Variants in GGPS1 observed in about 807,000 individuals in gnomAD.
GGPS1 encodes geranylgeranyl diphosphate synthase 1.
A neutral mutation model predicts 28.1 loss-of-function variants in GGPS1; 15 were observed. The observed-to-expected ratio is 0.53, with a 90% CI of 0.36 to 0.82. The LOEUF (loss-of-function observed/expected upper bound fraction) is 0.82. GGPS1 is among the 40% of genes least tolerant of loss of function. GGPS1 has a pLI of 0.01. For synonymous variants in GGPS1, 138 were observed against 122.4 expected (o/e 1.13, Z -0.84); for missense variants, 284 against 348.3 (o/e 0.82, Z 1.47).
chr1:235,340,805 AAAT>A (rs1292547954), intron 2 of GGPS1, among the ~76,000 whole-genome samples: 1 of 151,874 alleles, frequency 6.6e-6, no homozygotes, highest in Non-Finnish European at 1.5e-5. Context: ...TCCCTAGTCA[AAAT>A]AATGAGATTA....
chr1:235,333,088 AAAAG>A (rs1234896182), intron 1 of GGPS1, among the ~76,000 whole-genome samples: 22 of 150,936 alleles, frequency 1.5e-4, no homozygotes, highest in Non-Finnish European at 5.9e-5. Flanking sequence ...AAAAAAAAAA[AAAAG>A]GAACACATCC....
At chr1:235,334,266 G>C (rs1250656218) in intron 1 of GGPS1, among the ~76,000 whole-genome samples, 2 of 152,182 alleles carry the variant, frequency 1.3e-5, no homozygotes, top group Non-Finnish European at 2.9e-5. Flanking sequence ...AGTGTAATCA[G>C]TTAAATACAG....
chr1:235,331,265 T>G (rs1340570365), intron 1 of GGPS1, among the ~76,000 whole-genome samples: 1 of 152,234 alleles, frequency 6.6e-6, no homozygotes, highest in African/African-American at 2.4e-5. Flanking sequence ...AAATGATTTC[T>G]TTTGGTGGAG....
chr1:235,339,770 A>AT (rs1212208830), intron 2 of GGPS1, among the ~76,000 whole-genome samples: 1 of 152,002 alleles, frequency 6.6e-6, no homozygotes, highest in African/African-American at 2.4e-5. Context: ...CCAAAAAAAA[A>AT]AAAAGAAAAC....
Position 235,333,586 on chromosome 1 carries a change from GA to G in GGPS1, c.-23-1655del, listed in dbSNP as rs1373042011. On this transcript the variant is annotated intron_variant, in intron 1 of 3. Transcript: ENST00000282841. ...CCGTCTCAAAAAAAAAAAACAAAAGGACCTTTGAGCAATCAGAATAACACAA... is the reference window on the plus strand; with the variant it reads ...CCGTCTCAAAAAAAAAAAACAAAAGGCCTTTGAGCAATCAGAATAACACAA... Among the ~76,000 whole-genome samples the G allele has an allele frequency of 2.0e-5, 3 of 150,590 alleles. No individual in the cohort carries two copies. In the South Asian group the frequency reaches 6.3e-4, roughly 32 times the overall value.
chr1:235,338,234 T>C (rs1472200950), intron 2 of GGPS1, among the ~76,000 whole-genome samples: 1 of 150,902 alleles, frequency 6.6e-6, no homozygotes, highest in East Asian at 2.0e-4. Context: ...TACAAAAAAT[T>C]AGCCAGGCAT....
rs532882067 is a variant in GGPS1 at position 235,342,813 on chromosome 1, T to C, written c.*41T>C. 1.4e-6 allele frequency: 2 copies of C among 1,390,818 alleles called. No individual in the cohort carries two copies. Among genetic ancestry groups the C allele is most frequent in the East Asian group, 2.3e-5 (1 of 43,420 alleles). 86.2% of individuals were successfully genotyped at this position (1,390,818 alleles called of 1,614,324 possible). ...GATTGGACCTCATAGCTTATTTTAG[T>C]TAATCTTTTTTTTGTCTTTTAGCCT... On this transcript the variant is annotated 3_prime_UTR_variant, in exon 4 of 4. Transcript: ENST00000282841.
chr1:235,342,926 C>A lies in GGPS1; in HGVS notation c.*154C>A. 1.9e-6 allele frequency: 1 copy of A among 524,380 alleles called. No individual in the cohort carries two copies. The highest frequency in any genetic ancestry group is 3.1e-5 in the East Asian group (1 of 32,306). The allele number at this position is 524,380 out of a possible 1,614,324, so 32.5% of individuals were successfully genotyped here. A position where few individuals can be genotyped will look rare whatever the true frequency, so the allele number is the denominator to read the frequency against. On this transcript the variant is annotated 3_prime_UTR_variant, in exon 4 of 4. Coordinates refer to ENST00000282841, the MANE Select transcript of GGPS1 (RefSeq NM_004837.4). ...AAGTGAATTCGTTTTCATTTAGAAG[C>A]CCCTCTGTACAGATAATCAAAATTC...
chr1:235,329,772 T>C (rs1352862995), intron 1 of GGPS1: 2 of 152,232 alleles, frequency 1.3e-5, no homozygotes, highest in Non-Finnish European at 2.9e-5. Context: ...ATGGCTCCGA[T>C]TGGAATGTCA....
At chr1:235,332,248 C>T (rs563010120) in intron 1 of GGPS1, among the ~76,000 whole-genome samples, 1 of 152,320 alleles carries the variant, frequency 6.6e-6, no homozygotes, top group Non-Finnish European at 1.5e-5. Context: ...TTGGAATCTC[C>T]ATTGTCTATC....
intron 2 of GGPS1, among the ~76,000 whole-genome samples, chr1:235,336,633 A>G (rs923198734): frequency 3.3e-5 from 5 of 151,348 alleles, no homozygotes; most frequent in African/African-American, 1.2e-4. Context: ...TCTGTTTTAA[A>G]CATTTTTTAA....
At chr1:235,341,817 T>G (rs980024303) in intron 3 of GGPS1, 39 bp downstream of exon 3, 1 of 1,164,046 alleles carries the variant, frequency 8.6e-7, no homozygotes, top group African/African-American at 1.5e-5. Flanking sequence ...CCCAAGAAAT[T>G]AATAGCTGTC....
chr1:235,332,733 T>G (rs1367605415), intron 1 of GGPS1, among the ~76,000 whole-genome samples: 1 of 152,182 alleles, frequency 6.6e-6, no homozygotes, highest in Non-Finnish European at 1.5e-5. Flanking sequence ...ATTTTTAAAT[T>G]TAATGCCAGC....
In GGPS1 at chr1:235,342,815, A is replaced by C. The variant is rs753681714; in HGVS notation, c.*43A>C. ...TTGGACCTCATAGCTTATTTTAGTTAATCTTTTTTTTGTCTTTTAGCCTTA... is the reference window on the plus strand; with the variant it reads ...TTGGACCTCATAGCTTATTTTAGTTCATCTTTTTTTTGTCTTTTAGCCTTA... On this transcript the variant is annotated 3_prime_UTR_variant, in exon 4 of 4. Transcript: ENST00000282841. 5 of 1,389,402 alleles carry C rather than the reference A, an allele frequency of 3.6e-6. No homozygotes were observed. Among genetic ancestry groups the C allele is most frequent in the African/African-American group, 2.9e-5 (2 of 69,144 alleles). The allele number at this position is 1,389,402 out of a possible 1,614,324, so 86.1% of individuals were successfully genotyped here.
intron 2 of GGPS1, among the ~76,000 whole-genome samples, chr1:235,337,830 G>A (rs936198934): frequency 6.6e-6 from 1 of 151,346 alleles, no homozygotes; most frequent in Non-Finnish European, 1.5e-5. Flanking sequence ...AAAAAAAAAG[G>A]ATTTTCTGAA....
intron 1 of GGPS1, among the ~76,000 whole-genome samples, chr1:235,331,939 A>G (rs1311584885): frequency 6.6e-6 from 1 of 152,242 alleles, no homozygotes; most frequent in Non-Finnish European, 1.5e-5. Context: ...ATTGACTGCT[A>G]CAAAACAGGA....
Position 235,335,538 on chromosome 1 carries a change from T to C in GGPS1, c.70+204T>C, listed in dbSNP as rs535183906. On this transcript the variant is annotated intron_variant, in intron 2 of 3. Transcript: ENST00000282841. ...GCCAGGTGCAGTGATACATACCTGTTGTCCCACCTACTTGGGAGGCTGAGG... is the reference window on the plus strand; with the variant it reads ...GCCAGGTGCAGTGATACATACCTGTCGTCCCACCTACTTGGGAGGCTGAGG... Among the ~76,000 whole-genome samples the C allele has an allele frequency of 1.0e-3, 159 of 152,268 alleles. 1 individual carries two copies. Among genetic ancestry groups the C allele is most frequent in the African/African-American group, 3.8e-3 (156 of 41,552 alleles).
At chr1:235,333,583 AAGGACCTTTG>A (rs1675782222) in intron 1 of GGPS1, among the ~76,000 whole-genome samples, 1 of 151,854 alleles carries the variant, frequency 6.6e-6, no homozygotes. Flanking sequence ...AAAAAAACAA[AAGGACCTTTG>A]AGCAATCAGA....
chr1:235,341,838 A>T (rs909967968), intron 3 of GGPS1, 60 bp downstream of exon 3: 25 of 1,045,250 alleles, frequency 2.4e-5, no homozygotes, highest in Middle Eastern at 2.0e-4. Flanking sequence ...GCATAAAAAT[A>T]TTCCTAGTTC....
Sources: allele counts gnomAD v4.1 joint callset (sites outside exome capture counted in the v4.1 genomes callset), GRCh38; gene constraint gnomAD v4.1.1; transcripts MANE v1.5; gene names NCBI Gene and HGNC (gene_info 2026-07-23, HGNC 2026-07-21).